CAPN2: variants seen among roughly 807,000 people sequenced by gnomAD.
The protein encoded by CAPN2 is calpain 2.
Under a neutral mutation model 102.3 loss-of-function variants are expected in CAPN2, and 92 were observed. The observed-to-expected ratio is 0.90, with a 90% CI of 0.76 to 1.07. CAPN2 has a LOEUF of 1.07. Ranked by LOEUF, CAPN2 falls within the 50% of genes least tolerant of loss-of-function variation. The pLI, the probability that CAPN2 is intolerant of heterozygous loss-of-function variation, is 0.00. For synonymous variants in CAPN2, 340 were observed against 355.4 expected, an observed-to-expected ratio of 0.96 and a Z score of 0.49; for missense variants, 800 against 909.4, an observed-to-expected ratio of 0.88 and a Z score of 1.55.
chr1:223,732,756 T>C (rs1224967567), intron 2 of CAPN2, among the ~76,000 whole-genome samples: 1 of 152,186 alleles, frequency 6.6e-6, no homozygotes, highest in Non-Finnish European at 1.5e-5. Flanking sequence ...CTCTGACACA[T>C]GTTCAGAAAT....
chr1:223,737,868 G>A (rs1368733529), intron 2 of CAPN2, among the ~76,000 whole-genome samples: 1 of 152,060 alleles, frequency 6.6e-6, no homozygotes, highest in Non-Finnish European at 1.5e-5. Context: ...GGCTACAGAT[G>A]GGCCCTATAC....
chr1:223,745,253 A>C (rs1215664873), intron 3 of CAPN2, 53 bp from the exon 4 acceptor site: 14 of 1,611,422 alleles, frequency 8.7e-6, no homozygotes, highest in Non-Finnish European at 1.1e-5. Flanking sequence ...TGAGGCTCAG[A>C]GTCCCAGTGC....
chr1:223,707,524 G>A lies in CAPN2; in HGVS notation c.3+5693G>A, dbSNP rs150867749. On this transcript the variant is annotated intron_variant, in intron 1 of 20. Coordinates refer to the CAPN2 transcript ENST00000433674. ...AGCATAGTGTGAGAGGCTTTGGGAA[G>A]TAGAAAAAGCAACATTAACTCAGGT... Among the ~76,000 whole-genome samples, 20 of 152,344 alleles carry A rather than the reference G, an allele frequency of 1.3e-4. No individual in the cohort carries two copies. The East Asian group carries it at 3.7e-3, about 28-fold the overall frequency.
At chr1:223,721,176 A>G (rs913455378) in intron 2 of CAPN2, among the ~76,000 whole-genome samples, 1 of 152,208 alleles carries the variant, frequency 6.6e-6, no homozygotes, top group African/African-American at 2.4e-5. Context: ...ATTGCAGAAT[A>G]TAGTTGTGTA....
Position 223,775,938 on chromosome 1 carries a change from CTCTGTAAATTCATGTA to C in CAPN2, c.*1083_*1098del, listed in dbSNP as rs1256706655. Reference sequence around the variant, plus strand: ...TTTCTACTTTAACAAGGTATGCTGCCTCTGTAAATTCATGTATTCAAAGGAAAAGACACCTTGCCTA... The same window carrying C: ...TTTCTACTTTAACAAGGTATGCTGCCTTCAAAGGAAAAGACACCTTGCCTA... On this transcript the variant is annotated 3_prime_UTR_variant, in exon 21 of 21. Transcript: ENST00000295006. 1 of 152,622 alleles carries C rather than the reference CTCTGTAAATTCATGTA, an allele frequency of 6.6e-6. No homozygotes were observed. Among genetic ancestry groups the C allele is most frequent in the African/African-American group, 2.4e-5 (1 of 41,436 alleles). The allele number at this position is 152,622 out of a possible 1,614,324, so 9.5% of individuals were successfully genotyped here.
chr1:223,769,667 C>T (rs1661421534), intron 16 of CAPN2, among the ~76,000 whole-genome samples, 174 bp from the exon 17 acceptor site: 1 of 152,172 alleles, frequency 6.6e-6, no homozygotes, highest in Non-Finnish European at 1.5e-5. Context: ...TCTCGCCCTT[C>T]CTCCAATCCT....
intron 20 of CAPN2, among the ~76,000 whole-genome samples, chr1:223,774,299 C>T (rs192639633): frequency 6.6e-6 from 1 of 152,208 alleles, no homozygotes; most frequent in Non-Finnish European, 1.5e-5. Context: ...CCTCGCTTCT[C>T]GTAGTCTTTG....
rs1226358456 is a variant in CAPN2, at chr1:223,756,884, C to T, written c.1306-485C>T. On this transcript the variant is annotated intron_variant, in intron 10 of 20. Transcript: ENST00000295006. This position sits in a 1 kb window ranked among gnomAD's most constrained non-coding sequence, Gnocchi z 4.1. ...CAGCCACGGGCTTTCAGAGTTGGGA[C>T]GGACCTTGGGGATCACTGGGTCCTA... Among the ~76,000 whole-genome samples, 1 of 152,162 alleles carries T rather than the reference C, an allele frequency of 6.6e-6. No homozygotes were observed. The highest frequency in any genetic ancestry group is 1.5e-5 in the Non-Finnish European group (1 of 68,010).
rs1162980747 is a variant in CAPN2 at position 223,754,216 on chromosome 1, G to A, written c.1135+1260G>A. On this transcript the variant is annotated intron_variant, in intron 9 of 20. Coordinates refer to ENST00000295006, the MANE Select transcript of CAPN2 (RefSeq NM_001748.5). This position sits in a 1 kb window ranked among gnomAD's most constrained non-coding sequence, Gnocchi z 4.7. ...AGCTGAGCCTCTAAGTCGCATACCA[G>A]GGCCACAGAGCAAGTAGTCAGACTG... is the stretch of plus-strand genomic sequence containing the variant. Among the ~76,000 whole-genome samples, 1 of 152,150 alleles carries A rather than the reference G, an allele frequency of 6.6e-6. No homozygotes were observed. The highest frequency in any genetic ancestry group is 2.4e-5 in the African/African-American group (1 of 41,434).
intron 8 of CAPN2, among the ~76,000 whole-genome samples, chr1:223,752,352 A>G (rs1473941500): frequency 6.6e-6 from 1 of 152,216 alleles, no homozygotes; most frequent in Non-Finnish European, 1.5e-5. Flanking sequence ...CCCAGGAAAC[A>G]AGGGAAAGAT....
At chr1:223,705,835 T>C (rs1328968649) in intron 1 of CAPN2, among the ~76,000 whole-genome samples, 1 of 152,116 alleles carries the variant, frequency 6.6e-6, no homozygotes, top group African/African-American at 2.4e-5. Context: ...GCATCTAAGG[T>C]TTTATAGTTC....
chr1:223,713,010 G>A (rs1303785527), intron 1 of CAPN2, 133 bp downstream of exon 1: 2 of 536,240 alleles, frequency 3.7e-6, no homozygotes, highest in Non-Finnish European at 5.7e-6. Flanking sequence ...GGACCTCGCA[G>A]TCCTGCGACA....
intron 1 of CAPN2, among the ~76,000 whole-genome samples, chr1:223,714,852 C>G (rs560931842): frequency 1.1e-4 from 17 of 152,192 alleles, no homozygotes; most frequent in Non-Finnish European, 1.9e-4. Flanking sequence ...GGTCCCCCAA[C>G]AGTTGGAAAT....
At chr1:223,713,487 G>A (rs1248625869) in intron 1 of CAPN2, among the ~76,000 whole-genome samples, 1 of 121,886 alleles carries the variant, frequency 8.2e-6, no homozygotes, top group East Asian at 3.0e-4. Context: ...TTCCCTGGCG[G>A]GAATCACCCG....
chr1:223,758,704 T>G (rs1170346557), intron 11 of CAPN2: 1 of 152,596 alleles, frequency 6.6e-6, no homozygotes, highest in Non-Finnish European at 1.5e-5. Flanking sequence ...TGTTTTTTTT[T>G]TTTTTAAGAC....
Position 223,766,282 on chromosome 1 carries a change from T to C in CAPN2, c.1691-85T>C, listed in dbSNP as rs1661314225. On this transcript the variant is annotated intron_variant, in intron 15 of 20. Transcript: ENST00000295006. ...GGCTTCTGTATGTGAAGGGCACAGA[T>C]AAAGAATATCTCCATGATTGTGGAA... 5 of 1,012,212 alleles carry C rather than the reference T, an allele frequency of 4.9e-6. No homozygotes were observed. In the Admixed American group the frequency reaches 8.6e-5, roughly 17 times the overall value. The allele number at this position is 1,012,212 out of a possible 1,614,324, so 62.7% of individuals were successfully genotyped here.
At position 223,752,979 on chromosome 1, in the gene CAPN2, G is replaced by T. The variant is rs1287807110; in HGVS notation, c.1135+23G>T. On this transcript the variant is annotated intron_variant, in intron 9 of 20. Coordinates refer to ENST00000295006, the MANE Select transcript of CAPN2 (RefSeq NM_001748.5). ...CGAGTAAGGGCTGTTGCATATAAGG[G>T]CTGTTGCAATGCGGGGCCACCAAAG... The T allele has an allele frequency of 3.1e-6, 5 of 1,612,180 alleles. No individual in the cohort carries two copies. The African/African-American group carries it at 4.0e-5, about 13-fold the overall frequency.
intron 1 of CAPN2, among the ~76,000 whole-genome samples, chr1:223,705,035 C>T (rs2102765949): frequency 6.6e-6 from 1 of 152,290 alleles, no homozygotes; most frequent in African/African-American, 2.4e-5. Context: ...AGTTCATCCA[C>T]TAAAGGATTA....
At position 223,712,559 on chromosome 1, in the gene CAPN2, G is replaced by C. The variant is rs1033793682; in HGVS notation, c.-82G>C. ...CCCGCAGTGGCCGCAGCAGCGCGCC[G>C]GGCCCTGGCCGCGCCCCAGCCGAGC... On this transcript the variant is annotated 5_prime_UTR_variant, in exon 1 of 21. Coordinates refer to ENST00000295006, the MANE Select transcript of CAPN2 (RefSeq NM_001748.5). The C allele has an allele frequency of 1.4e-5, 18 of 1,322,084 alleles. No individual in the cohort carries two copies. In the South Asian group the frequency reaches 1.9e-4, roughly 14 times the overall value. 81.9% of individuals were successfully genotyped at this position (1,322,084 alleles called of 1,614,324 possible). A position where few individuals can be genotyped will look rare whatever the true frequency, so the allele number is the denominator to read the frequency against.
Sources: gnomAD v4.1 joint callset for allele counts (sites outside exome capture counted in the v4.1 genomes callset) on GRCh38, gnomAD v4.1.1 for gene constraint, Gnocchi (gnomAD v3.1) non-coding constraint, MANE v1.5 for transcripts, NCBI Gene and HGNC (gene_info 2026-07-23, HGNC 2026-07-21) for gene names.